The following ADK variants were observed in gnomAD, a reference collection of about 807,000 sequenced individuals.
ADK encodes the protein adenosine kinase, also known as N6,N6-dimethyladenosine kinase.
Under a neutral mutation model 44.7 loss-of-function variants are expected in ADK, and 24 were observed. The observed-to-expected ratio is 0.54, with a 90% CI of 0.39 to 0.76. The LOEUF (loss-of-function observed/expected upper bound fraction) is 0.76, where lower values mean the gene tolerates loss of function less well. Among genes scored for constraint, ADK ranks in the 30% least tolerant of loss-of-function variants. The probability of loss-of-function intolerance (pLI) is 0.00; values close to 1 mark genes in which losing one functional copy is unlikely to be tolerated. For synonymous variants in ADK, 128 were observed against 142.6 expected, an observed-to-expected ratio of 0.90 and a Z score of 0.73; for missense variants, 321 against 425.1, an observed-to-expected ratio of 0.76 and a Z score of 2.15.
intron 6 of ADK, among the ~76,000 whole-genome samples, chr10:74,409,093 TTCA>T (rs1357424444): frequency 6.6e-6 from 1 of 152,232 alleles, no homozygotes; most frequent in African/African-American, 2.4e-5. Flanking sequence ...GATATAGTTG[TTCA>T]TCTATGTGTA....
rs528163772 is a variant in ADK at position 74,280,909 on chromosome 10, C to G, written c.195-33758C>G. On this transcript the variant is annotated intron_variant, in intron 3 of 10. Transcript: ENST00000539909. ...TATTTTGTCTTTCCTAATTTAGATG[C>G]AAAATTAAGTTGTCTAGTGAGATAC... Among the ~76,000 whole-genome samples, 10 of 152,182 alleles carry G rather than the reference C, an allele frequency of 6.6e-5. No individual in the cohort carries two copies. The South Asian group carries it at 1.9e-3, about 28-fold the overall frequency.
intron 9 of ADK, among the ~76,000 whole-genome samples, chr10:74,633,452 C>G (rs879323820): frequency 6.6e-6 from 1 of 151,958 alleles, no homozygotes; most frequent in African/African-American, 2.4e-5. Context: ...GGAAACAACC[C>G]CAAAGGTCCA....
intron 4 of ADK, among the ~76,000 whole-genome samples, chr10:74,332,157 C>A (rs112164888): frequency 6.6e-6 from 1 of 152,204 alleles, no homozygotes; most frequent in Non-Finnish European, 1.5e-5. Context: ...TGTGCCCAGA[C>A]AAATTTTACT....
At chr10:74,550,370 C>T (rs1035319783) in intron 7 of ADK, among the ~76,000 whole-genome samples, 7 of 151,970 alleles carry the variant, frequency 4.6e-5, no homozygotes, top group Non-Finnish European at 7.4e-5. Context: ...CACGTCCAGC[C>T]GAGAACCCAA....
intron 10 of ADK, among the ~76,000 whole-genome samples, chr10:74,694,386 A>AC (rs200117753): frequency 8.7e-5 from 13 of 150,256 alleles, no homozygotes; most frequent in Non-Finnish European, 1.3e-4. Flanking sequence ...CCCCATCTCT[A>AC]CCCCAAAAAA....
chr10:74,353,830 T>C (rs1330446225), intron 4 of ADK, among the ~76,000 whole-genome samples: 1 of 152,178 alleles, frequency 6.6e-6, no homozygotes, highest in Non-Finnish European at 1.5e-5. Flanking sequence ...ATTGCGCCAC[T>C]GCACTCCAGC....
intron 8 of ADK, 121 bp downstream of exon 8, chr10:74,589,438 A>G (rs970418571): frequency 9.4e-6 from 10 of 1,063,702 alleles, no homozygotes; most frequent in Admixed American, 5.5e-5. Flanking sequence ...AGCAGTTGCC[A>G]TGGAAACTTG....
At chr10:74,273,630 G>A (rs1457745391) in intron 3 of ADK, among the ~76,000 whole-genome samples, 5 of 151,998 alleles carry the variant, frequency 3.3e-5, no homozygotes, top group Non-Finnish European at 7.4e-5. Flanking sequence ...GCTAATTTTT[G>A]TATTTTTAGT....
intron 6 of ADK, among the ~76,000 whole-genome samples, chr10:74,468,649 T>C (rs1331948889): frequency 1.3e-5 from 2 of 152,148 alleles, no homozygotes; most frequent in Non-Finnish European, 2.9e-5. Flanking sequence ...ACAGTTCTCC[T>C]CTTCTGAAAT....
intron 1 of ADK, among the ~76,000 whole-genome samples, chr10:74,191,225 C>T (rs182309964): frequency 5.9e-5 from 9 of 152,036 alleles, no homozygotes; most frequent in Admixed American, 2.6e-4. Flanking sequence ...GTGATCTGCC[C>T]GCCTTGGCCT....
At chr10:74,491,047 A>G (rs1847464503) in intron 6 of ADK, among the ~76,000 whole-genome samples, 1 of 152,166 alleles carries the variant, frequency 6.6e-6, no homozygotes, top group African/African-American at 2.4e-5. Context: ...CACCTAAAAT[A>G]CTAGCCCTAT....
intron 3 of ADK, among the ~76,000 whole-genome samples, chr10:74,224,842 AC>A: frequency 6.6e-6 from 1 of 152,360 alleles, no homozygotes; most frequent in Non-Finnish European, 1.5e-5. Flanking sequence ...CTAAAGTCTT[AC>A]TGGGAAATAT....
At chr10:74,525,076 A>G (rs150531542) in intron 6 of ADK, among the ~76,000 whole-genome samples, 180 bp from the exon 7 acceptor site, 34 of 152,350 alleles carry the variant, frequency 2.2e-4, no homozygotes, top group African/African-American at 8.2e-4. Context: ...AATGGCATGT[A>G]TCAAGCATAT....
rs145314044 is a variant in ADK, at chr10:74,410,228, G to A, written c.555+11649G>A. The stretch of plus-strand genomic sequence containing the variant: ...ACGTGACTAGAAATTTAAAAAGATT[G>A]CTCAAAATTTCATGCTCAGAATTTA... On this transcript the variant is annotated intron_variant, in intron 6 of 10. Transcript: ENST00000539909. 2.4e-3 allele frequency among the ~76,000 whole-genome samples: 367 copies of A among 151,972 alleles called. 2 individuals carry two copies. The highest frequency in any genetic ancestry group is 8.4e-3 in the African/African-American group (349 of 41,470).
chr10:74,605,993 G>A (rs546595498), intron 9 of ADK, among the ~76,000 whole-genome samples: 1 of 152,144 alleles, frequency 6.6e-6, no homozygotes, highest in East Asian at 1.9e-4. Context: ...GTCCAGTAAT[G>A]TATCCATTTC....
At chr10:74,619,488 C>A (rs865805762) in intron 9 of ADK, among the ~76,000 whole-genome samples, 13 of 151,622 alleles carry the variant, frequency 8.6e-5, no homozygotes, top group African/African-American at 3.1e-4. Context: ...TGCTTTATTT[C>A]AATAGTCCCT....
At chr10:74,447,707 A>T (rs1389401206) in intron 6 of ADK, among the ~76,000 whole-genome samples, 1 of 152,174 alleles carries the variant, frequency 6.6e-6, no homozygotes, top group Non-Finnish European at 1.5e-5. Flanking sequence ...TGTAAAATGG[A>T]GATCATGATA....
In ADK at chr10:74,609,641, G is replaced by A. The variant is rs531663665; in HGVS notation, c.877+9148G>A. On this transcript the variant is annotated intron_variant, in intron 9 of 10. Transcript: ENST00000539909. ...AATGTAGAAATTACCCGCCTTCTGC[G>A]TTGATCTCGCTGGGAGGTGCAGACC... Among the ~76,000 whole-genome samples, 10 of 152,214 alleles carry A rather than the reference G, an allele frequency of 6.6e-5. No homozygotes were observed. In the East Asian group the frequency reaches 1.9e-3, roughly 29 times the overall value.
intron 1 of ADK, among the ~76,000 whole-genome samples, chr10:74,167,150 T>C (rs956098495): frequency 2.0e-5 from 3 of 152,186 alleles, no homozygotes; most frequent in African/African-American, 7.2e-5. Context: ...GTAAAAAATG[T>C]ATTTTTAATT....
Sources: allele counts gnomAD v4.1 joint callset (sites outside exome capture counted in the v4.1 genomes callset), GRCh38; gene constraint gnomAD v4.1.1; transcripts MANE v1.5; gene names NCBI Gene and HGNC (gene_info 2026-07-23, HGNC 2026-07-21).